The following CPEB2 variants were observed in gnomAD, a reference collection of about 807,000 sequenced individuals.
CPEB2 encodes the protein cytoplasmic polyadenylation element-binding protein 2.
CPEB2 carries 56 observed loss-of-function variants against 93.6 expected under a neutral mutation model. The ratio of observed to expected loss-of-function variants is 0.60; its 90% CI spans 0.48 to 0.75. CPEB2 has a LOEUF of 0.75. Among genes scored for constraint, CPEB2 ranks in the 30% least tolerant of loss-of-function variants. The probability of loss-of-function intolerance (pLI) is 0.00; values close to 1 mark genes in which losing one functional copy is unlikely to be tolerated. For missense variants in CPEB2, 1,579 were observed against 1,395.1 expected (o/e 1.13, Z -2.10); for synonymous variants, 764 against 586.3 (o/e 1.30, Z -4.38).
intron 4 of CPEB2, among the ~76,000 whole-genome samples, chr4:15,027,734 G>A (rs1462241076): frequency 6.6e-6 from 1 of 152,130 alleles, no homozygotes. Context: ...TGTGTGTATT[G>A]TGTGTTTAAT....
At chr4:15,059,451 T>C (rs1728999874) in intron 10 of CPEB2, 150 bp downstream of exon 10, 1 of 464,058 alleles carries the variant, frequency 2.2e-6, no homozygotes, top group Non-Finnish European at 3.8e-6. Flanking sequence ...AACTACAGAA[T>C]TTTGAAACAA....
At chr4:15,018,089 C>T (rs1370362545) in intron 4 of CPEB2, among the ~76,000 whole-genome samples, 6 of 151,804 alleles carry the variant, frequency 4.0e-5, no homozygotes, top group African/African-American at 1.2e-4. Context: ...TTCTGTGAGT[C>T]AGAAATTCAG....
intron 11 of CPEB2, among the ~76,000 whole-genome samples, chr4:15,063,373 AAAAAAAAC>A (rs930146085): frequency 1.3e-5 from 2 of 152,058 alleles, no homozygotes; most frequent in African/African-American, 4.8e-5. Flanking sequence ...GTTGCCAAAA[AAAAAAAAC>A]TAAGAGGAGG....
In CPEB2 at chr4:15,011,126, A is replaced by C. The variant is rs1194929033; in HGVS notation, c.2034+2699A>C. ...CTTTTTTTTTTTTTTTTTTTGAGAC[A>C]GTTTCACTCTGTCACTCAGGCTGAA... is the stretch of plus-strand genomic sequence containing the variant. On this transcript the variant is annotated intron_variant, in intron 3 of 11. Transcript: ENST00000538197. Among the ~76,000 whole-genome samples, 3 of 136,418 alleles carry C rather than the reference A, an allele frequency of 2.2e-5. No homozygotes were observed. The East Asian group carries it at 6.2e-4, about 28-fold the overall frequency. The allele number at this position is 136,418 out of a possible 152,430, so 89.5% of individuals were successfully genotyped here. A position where few individuals can be genotyped will look rare whatever the true frequency, so the allele number is the denominator to read the frequency against.
intron 5 of CPEB2, among the ~76,000 whole-genome samples, chr4:15,034,980 T>C (rs1726467778): frequency 2.0e-5 from 3 of 152,198 alleles, no homozygotes; most frequent in Admixed American, 6.5e-5. Flanking sequence ...TTAAGTGATA[T>C]TAGTGCTCCT....
At chr4:15,024,090 A>G (rs1204402138) in intron 4 of CPEB2, among the ~76,000 whole-genome samples, 1 of 152,070 alleles carries the variant, frequency 6.6e-6, no homozygotes, top group African/African-American at 2.4e-5. Context: ...TCATCCCAGT[A>G]TTTATCCATA....
rs879351846 is a variant in CPEB2, at chr4:15,004,350, G to A, written c.1662+15G>A. ...ACCACCACCAGGTACGGCGGGCGGC[G>A]GCCTGGCCGCGCCGCGGGACCGGGA... On this transcript the variant is annotated intron_variant, in intron 1 of 11. Transcript: ENST00000538197. 9.2e-4 allele frequency: 1,308 copies of A among 1,428,534 alleles called. 2 individuals are homozygous for A. Among genetic ancestry groups the A allele is most frequent in the Non-Finnish European group, 1.1e-3 (1,225 of 1,101,584 alleles). The allele number at this position is 1,428,534 out of a possible 1,614,324, so 88.5% of individuals were successfully genotyped here. A position where few individuals can be genotyped will look rare whatever the true frequency, so the allele number is the denominator to read the frequency against.
At chr4:15,059,147 G>T (rs773518215) in intron 9 of CPEB2, 40 bp from the exon 10 acceptor site, 2 of 1,174,702 alleles carry the variant, frequency 1.7e-6, no homozygotes, top group African/African-American at 3.1e-5. Context: ...ATTCTCATAA[G>T]ACATCAAGGG....
rs1393551186 is a variant in CPEB2, at chr4:15,069,375, A to G, written c.*2995A>G. ...AAACAGTGTAAACCTTTTTAATGCA[A>G]ATTTATTTTTTTCATTGCATATTTT... On this transcript the variant is annotated 3_prime_UTR_variant, in exon 12 of 12. Transcript: ENST00000538197. 1 of 152,204 alleles carries G rather than the reference A, an allele frequency of 6.6e-6. No individual in the cohort carries two copies. Among genetic ancestry groups the G allele is most frequent in the South Asian group, 2.1e-4 (1 of 4,832 alleles). 9.4% of individuals were successfully genotyped at this position (152,204 alleles called of 1,614,324 possible).
intron 11 of CPEB2, among the ~76,000 whole-genome samples, chr4:15,065,137 T>A (rs780383065): frequency 1.2e-4 from 18 of 152,136 alleles, no homozygotes; most frequent in South Asian, 2.1e-4. Context: ...TTAGGTTGTT[T>A]CTAGTTTGTT....
rs1553853219 is a variant in CPEB2, at chr4:15,018,969, T to TAC, written c.2125+1696_2125+1697dup. On this transcript the variant is annotated intron_variant, in intron 4 of 11. Transcript: ENST00000538197. ...ATATATATATATATATATATATATA[T>TAC]ACACACGCACACACACACGCATATA... Among the ~76,000 whole-genome samples, 372 of 139,002 alleles carry TAC rather than the reference T, an allele frequency of 2.7e-3. 5 individuals are homozygous for TAC. Among genetic ancestry groups the TAC allele is most frequent in the Non-Finnish European group, 2.3e-3 (147 of 64,276 alleles). 91.2% of individuals were successfully genotyped at this position (139,002 alleles called of 152,430 possible).
Position 15,008,157 on chromosome 4 carries a change from A to G in CPEB2, c.1945-181A>G, listed in dbSNP as rs551521012. Among the ~76,000 whole-genome samples, 19 of 152,190 alleles carry G rather than the reference A, an allele frequency of 1.2e-4. No homozygotes were observed. In the East Asian group the frequency reaches 3.7e-3, roughly 29 times the overall value. On this transcript the variant is annotated intron_variant, in intron 2 of 11. Transcript: ENST00000538197. The stretch of plus-strand genomic sequence containing the variant: ...TTCAGTATTTTTATTATTTTCTTGA[A>G]GTTCCCTTATGGCTATTGCAAGTGA...
chr4:15,007,584 C>G lies in CPEB2; in HGVS notation c.1942C>G (p.Gln648Glu), dbSNP rs1424309316. 1 of 1,554,768 alleles carries G rather than the reference C, an allele frequency of 6.4e-7. No individual in the cohort carries two copies. ...DNNSNTLLPL[Q>E]VRSSLQLPAW... ...CAATAGTAATACACTCTTACCCTTA[C>G]AGGTAAGAATGGTATGTAAATGACC... is the stretch of plus-strand genomic sequence containing the variant. The change falls in exon 2 of 12, where the codon CAG (glutamine) becomes GAG (glutamate). Residue 648 changes from glutamine (Q) to glutamate (E), a missense_variant and splice_region_variant. Gln to Glu is a conservative substitution (Grantham distance 29). Around this residue, in one of 2 missense-constraint regions of CPEB2, gnomAD observed 1,411 missense variants for 1,056.0 expected, o/e 1.34. Transcript: ENST00000538197.
At position 15,004,166 on chromosome 4, in the gene CPEB2, C is replaced by T. The variant is rs1309101725; in HGVS notation, c.1493C>T (p.Pro498Leu). Residue 498 changes from proline (P) to leucine (L), a missense_variant, in exon 1 of 12, where the codon CCC becomes CTC. Transcript: ENST00000538197. Reference protein sequence around the residue: ...FGGPFSATAVPPPPPPAMNIP... With the variant: ...FGGPFSATAVLPPPPPAMNIP... Reference sequence around the variant, plus strand: ...GGCCCCTTCTCGGCTACCGCTGTGCCCCCTCCGCCGCCGCCCGCCATGAAT... The same window carrying T: ...GGCCCCTTCTCGGCTACCGCTGTGCTCCCTCCGCCGCCGCCCGCCATGAAT... 2.1e-5 allele frequency: 30 copies of T among 1,406,056 alleles called. No individual in the cohort carries two copies. Among genetic ancestry groups the T allele is most frequent in the Middle Eastern group, 2.5e-4 (1 of 4,070 alleles). 87.1% of individuals were successfully genotyped at this position (1,406,056 alleles called of 1,614,324 possible). A position where few individuals can be genotyped will look rare whatever the true frequency, so the allele number is the denominator to read the frequency against.
chr4:15,050,156 G>A (rs1728091274), intron 6 of CPEB2, among the ~76,000 whole-genome samples: 1 of 152,136 alleles, frequency 6.6e-6, no homozygotes, highest in Admixed American at 6.5e-5. Flanking sequence ...GTGAGTGGAG[G>A]GCAAGTGAGC....
chr4:15,049,863 C>G (rs1728057351), intron 6 of CPEB2, among the ~76,000 whole-genome samples: 1 of 152,188 alleles, frequency 6.6e-6, no homozygotes, highest in Non-Finnish European at 1.5e-5. Flanking sequence ...TGTCAAACAT[C>G]TAGGTAGCTA....
chr4:15,048,322 G>A (rs966534080), intron 6 of CPEB2, among the ~76,000 whole-genome samples: 1 of 151,822 alleles, frequency 6.6e-6, no homozygotes, highest in African/African-American at 2.4e-5. Context: ...TAGTTCATTT[G>A]CCAGTAAAGC....
intron 4 of CPEB2, among the ~76,000 whole-genome samples, chr4:15,018,500 T>G (rs1276516733): frequency 6.6e-6 from 1 of 151,428 alleles, no homozygotes; most frequent in African/African-American, 2.4e-5. Context: ...TTTTTTTTCC[T>G]TTTAACCAAA....
chr4:15,041,604 T>C (rs1361028166), intron 6 of CPEB2, among the ~76,000 whole-genome samples: 1 of 152,120 alleles, frequency 6.6e-6, no homozygotes, highest in Non-Finnish European at 1.5e-5. Context: ...AGTTTCTCCA[T>C]GTTGGCCCGT....
Sources: gnomAD v4.1 joint callset for allele counts (sites outside exome capture counted in the v4.1 genomes callset) on GRCh38, gnomAD v4.1.1 for gene constraint, gnomAD v4.1.1 regional missense constraint, MANE v1.5 for transcripts, NCBI Gene and HGNC (gene_info 2026-07-23, HGNC 2026-07-21) for gene names.